Variants in L3MBTL1 observed in about 807,000 individuals in gnomAD.
The protein encoded by L3MBTL1 is L3MBTL histone methyl-lysine binding protein 1, also known as lethal(3)malignant brain tumor-like protein 1.
L3MBTL1 carries 75 observed loss-of-function variants against 105.3 expected under a neutral mutation model. That is an observed-to-expected ratio of 0.71 (90% confidence interval 0.59 to 0.86). L3MBTL1 has a LOEUF of 0.86. Ranked by LOEUF, L3MBTL1 falls within the 40% of genes least tolerant of loss-of-function variation. L3MBTL1 has a pLI of 0.00. For synonymous variants in L3MBTL1, 452 were observed against 436.2 expected (o/e 1.04, Z -0.45); for missense variants, 1,069 against 1,126.4 (o/e 0.95, Z 0.73).
intron 19 of L3MBTL1, among the ~76,000 whole-genome samples, chr20:43,538,394 C>T (rs1425346301): frequency 6.6e-6 from 1 of 152,226 alleles, no homozygotes; most frequent in African/African-American, 2.4e-5. Context: ...ATCCTTGAGG[C>T]ACTTCAAGGA....
chr20:43,541,301 A>T lies in L3MBTL1; in HGVS notation c.*173A>T, dbSNP rs1426691210. The stretch of plus-strand genomic sequence containing the variant: ...TCAGCTTTGGAGACAGTCTGGGTTT[A>T]AATCCCAGTTCTGTCAATTTGAGCT... On this transcript the variant is annotated 3_prime_UTR_variant, in exon 22 of 22. Transcript: ENST00000418998. 1 of 1,255,522 alleles carries T rather than the reference A, an allele frequency of 8.0e-7. No homozygotes were observed. The highest frequency in any genetic ancestry group is 1.1e-6 in the Non-Finnish European group (1 of 938,688). 77.8% of individuals were successfully genotyped at this position (1,255,522 alleles called of 1,614,324 possible).
In L3MBTL1 at chr20:43,540,281, G is replaced by C; in HGVS notation, c.2304G>C (p.Ser768=). 1 of 1,613,760 alleles carries C rather than the reference G, an allele frequency of 6.2e-7. No individual in the cohort carries two copies. The highest frequency in any genetic ancestry group is 8.5e-7 in the Non-Finnish European group (1 of 1,180,022). The stretch of plus-strand genomic sequence containing the variant: ...CAGGAGTAGCGGGCATCTCAGCCTC[G>C]ACAGTCGCCAAGTGGACCATCGATG... The part of the protein sequence containing the change: ...LLPGVAGISA[S]TVAKWTIDEV... Residue 768 remains serine (S), a synonymous_variant, in exon 20 of 22, where the codon TCG becomes TCC. Coordinates refer to ENST00000418998, the MANE Select transcript of L3MBTL1 (RefSeq NM_001377303.1).
chr20:43,534,405 G>T lies in L3MBTL1; in HGVS notation c.1710+11G>T. On this transcript the variant is annotated intron_variant, in intron 15 of 21. Transcript: ENST00000418998. ...GACCATCGGATAAAGGTGGCTCTGGGACCCTAGGGCTGGGAAGTGGACAGG... is the reference window on the plus strand; with the variant it reads ...GACCATCGGATAAAGGTGGCTCTGGTACCCTAGGGCTGGGAAGTGGACAGG... 1 of 1,611,834 alleles carries T rather than the reference G, an allele frequency of 6.2e-7. No individual in the cohort carries two copies. The highest frequency in any genetic ancestry group is 1.1e-5 in the South Asian group (1 of 90,962).
intron 19 of L3MBTL1, 61 bp from the exon 20 acceptor site, chr20:43,540,090 G>A: frequency 6.3e-7 from 1 of 1,596,458 alleles, no homozygotes; most frequent in Non-Finnish European, 8.5e-7. Context: ...GGGTATGCAT[G>A]GGCTTCGGGA....
chr20:43,530,296 C>A lies in L3MBTL1; in HGVS notation c.1069C>A (p.Arg357Ser). 2.5e-6 allele frequency: 4 copies of A among 1,613,922 alleles called. No individual in the cohort carries two copies. The highest frequency in any genetic ancestry group is 3.4e-6 in the Non-Finnish European group (4 of 1,179,954). ...ILTVAEVCGY[R>S]LRLHFDGYSE... is the part of the protein sequence containing the mutation. ...CTCATGGGGCCAGGTATGTGGCTAT[C>A]GCCTACGCCTGCACTTTGATGGGTA... The change falls in exon 10 of 22, where the codon CGC becomes AGC. Residue 357 changes from arginine (R) to serine (S), a missense_variant. Transcript: ENST00000418998.
chr20:43,534,917 A>G lies in L3MBTL1; in HGVS notation c.1800A>G (p.Thr600=), dbSNP rs1176987390. The G allele has an allele frequency of 6.2e-7, 1 of 1,604,050 alleles. No homozygotes were observed. The highest frequency in any genetic ancestry group is 8.5e-7 in the Non-Finnish European group (1 of 1,178,062). The change falls in exon 16 of 22, where the codon ACA becomes ACG. Residue 600 remains threonine, a synonymous_variant. Coordinates refer to ENST00000418998, the MANE Select transcript of L3MBTL1 (RefSeq NM_001377303.1). ...ACCCTGCCGGCTGGTGCTCCAAGACAGGACATCCCCTGCAGCCTCCTCTCG... is the reference window on the plus strand; with the variant it reads ...ACCCTGCCGGCTGGTGCTCCAAGACGGGACATCCCCTGCAGCCTCCTCTCG... The part of the protein sequence containing the change: ...DIHPAGWCSK[T]GHPLQPPLGP...
At chr20:43,525,604 G>C (rs527748167) in intron 7 of L3MBTL1, among the ~76,000 whole-genome samples, 1 of 152,186 alleles carries the variant, frequency 6.6e-6, no homozygotes, top group Non-Finnish European at 1.5e-5. Context: ...ATATGCCTAA[G>C]AGCTCAGCCC....
chr20:43,530,666 A>G (rs1307552050), intron 10 of L3MBTL1, 132 bp from the exon 11 acceptor site: 1 of 879,724 alleles, frequency 1.1e-6, no homozygotes, highest in South Asian at 1.5e-5. Context: ...GTAGTGGGGA[A>G]TCCCTGGGCA....
chr20:43,548,217 T>C, exon 19 of L3MBTL1: 1 of 1,304,350 alleles, frequency 7.7e-7, no homozygotes, highest in Non-Finnish European at 1.0e-6. Context: ...ATTCTCATGT[T>C]CAAAAACGCT....
chr20:43,523,764 C>T (rs1470172905), intron 7 of L3MBTL1, among the ~76,000 whole-genome samples: 1 of 152,052 alleles, frequency 6.6e-6, no homozygotes, highest in African/African-American at 2.4e-5. Context: ...GAGGCCAAGG[C>T]GGGCGAATTG....
chr20:43,536,528 G>A, intron 19 of L3MBTL1, 70 bp downstream of exon 19: 1 of 1,541,104 alleles, frequency 6.5e-7, no homozygotes, highest in Non-Finnish European at 9.0e-7. Flanking sequence ...TGTCATTGGT[G>A]GGATGAGACA....
intron 7 of L3MBTL1, among the ~76,000 whole-genome samples, chr20:43,522,780 CTT>C (rs541049478): frequency 0.19 from 22,267 of 117,992 alleles, 1,914 homozygotes; most frequent in Middle Eastern, 0.25. Flanking sequence ...CCAACGGTGT[CTT>C]TTTTTTTTTT....
Position 43,535,906 on chromosome 20 carries a change from C to T in L3MBTL1, c.1895C>T (p.Thr632Ile). 2 of 1,613,488 alleles carry T rather than the reference C, an allele frequency of 1.2e-6. No homozygotes were observed. The highest frequency in any genetic ancestry group is 1.1e-5 in the South Asian group (1 of 90,950). The change falls in exon 17 of 22, where the codon ACT (threonine) becomes ATT (isoleucine). Residue 632 changes from threonine to isoleucine, a missense_variant. Thr to Ile is a moderately conservative substitution (Grantham distance 89). Transcript: ENST00000418998. ...PPLSYRSLPH[T>I]RTSKYSFHHR... ...CTCAGCTATAGGAGCCTGCCCCACA[C>T]TAGGACCTCCAAATACAGCTTTCAC...
At chr20:43,534,263 A>C in intron 14 of L3MBTL1, 21 bp from the exon 15 acceptor site, 1 of 1,607,470 alleles carries the variant, frequency 6.2e-7, no homozygotes, top group Admixed American at 1.7e-5. Context: ...CTTGCCCTGA[A>C]GGCAGCTGTC....
intron 7 of L3MBTL1, among the ~76,000 whole-genome samples, chr20:43,522,216 G>T (rs961664307): frequency 1.3e-5 from 2 of 152,020 alleles, no homozygotes; most frequent in Admixed American, 1.3e-4. Flanking sequence ...TTAGCCAGGC[G>T]TGGTGGCGTG....
chr20:43,528,903 G>GC, intron 8 of L3MBTL1, 158 bp downstream of exon 8: 1 of 651,736 alleles, frequency 1.5e-6, no homozygotes. Context: ...GTGGAAAAGG[G>GC]CCCCCCATAA....
At chr20:43,550,578 T>C (rs969808062) in exon 19 of L3MBTL1, 5 of 152,078 alleles carry the variant, frequency 3.3e-5, no homozygotes, top group African/African-American at 4.8e-5. Context: ...GGGGAGGGAG[T>C]TGGCAGAGAC....
chr20:43,544,909 C>T (rs1027895112), downstream of L3MBTL1, among the ~76,000 whole-genome samples: 5 of 151,826 alleles, frequency 3.3e-5, no homozygotes, highest in Non-Finnish European at 2.9e-5. Flanking sequence ...GAGGTTGCAG[C>T]GAGCTGAGAT....
intron 19 of L3MBTL1, among the ~76,000 whole-genome samples, chr20:43,538,567 T>A (rs1000919546): frequency 6.6e-6 from 1 of 152,030 alleles, no homozygotes; most frequent in African/African-American, 2.4e-5. Flanking sequence ...TGAGGTTTGC[T>A]GGTGAACAAT....
Sources: allele counts gnomAD v4.1 joint callset (sites outside exome capture counted in the v4.1 genomes callset), GRCh38; gene constraint gnomAD v4.1.1; transcripts MANE v1.5; gene names NCBI Gene and HGNC (gene_info 2026-07-23, HGNC 2026-07-21).